Variants in RIPOR2 observed in about 807,000 individuals in gnomAD.
The protein encoded by RIPOR2 is rho family-interacting cell polarization regulator 2.
In RIPOR2, 39 loss-of-function variants were observed where a neutral mutation model predicts 114.5. That is an observed-to-expected ratio of 0.34 (90% CI 0.26 to 0.44). RIPOR2 has a LOEUF of 0.44. Among genes scored for constraint, RIPOR2 ranks in the 20% least tolerant of loss-of-function variants. The pLI is 1.00. For missense variants in RIPOR2, 1,007 were observed against 1,255.1 expected (o/e 0.80, Z 2.99); for synonymous variants, 445 against 484.4 (o/e 0.92, Z 1.07).
chr6:24,820,822 A>G (rs1056592072), intron 19 of RIPOR2, among the ~76,000 whole-genome samples: 1 of 151,108 alleles, frequency 6.6e-6, no homozygotes. Flanking sequence ...TGCTGCTATG[A>G]ACATCTGTGT....
At chr6:25,022,792 C>T (rs1440571515) in intron 1 of RIPOR2, among the ~76,000 whole-genome samples, 2 of 151,866 alleles carry the variant, frequency 1.3e-5, no homozygotes, top group Admixed American at 6.6e-5. Flanking sequence ...GCAGTCCTCT[C>T]CCCACCATCT....
At chr6:24,877,006 G>A in intron 1 of RIPOR2, 1 of 985,354 alleles carries the variant, frequency 1.0e-6, no homozygotes. Flanking sequence ...GCAGGAAAAA[G>A]GGTAAATAGT....
At chr6:24,851,852 T>TA (rs1762967466) in intron 9 of RIPOR2, among the ~76,000 whole-genome samples, 4 of 152,132 alleles carry the variant, frequency 2.6e-5, no homozygotes, top group Admixed American at 2.0e-4. Context: ...GCCAGTGTTA[T>TA]AAACTCACTG....
chr6:24,937,070 G>T (rs1321998656), upstream of RIPOR2, among the ~76,000 whole-genome samples: 1 of 152,202 alleles, frequency 6.6e-6, no homozygotes, highest in African/African-American at 2.4e-5. Flanking sequence ...GCAGTGAGAA[G>T]GGATCACCCC....
intron 9 of RIPOR2, among the ~76,000 whole-genome samples, chr6:24,851,707 T>C (rs1762939624): frequency 6.6e-6 from 1 of 151,782 alleles, no homozygotes; most frequent in African/African-American, 2.4e-5. Flanking sequence ...TCAGTCATGG[T>C]ACTTATGATC....
At chr6:24,997,203 TA>T (rs1158584885) in intron 1 of RIPOR2, among the ~76,000 whole-genome samples, 1 of 152,194 alleles carries the variant, frequency 6.6e-6, no homozygotes, top group African/African-American at 2.4e-5. Flanking sequence ...ATTTGTGTTT[TA>T]AAAAACTCCC....
At chr6:24,926,523 G>A (rs1770869229) in intron 1 of RIPOR2, among the ~76,000 whole-genome samples, 1 of 152,170 alleles carries the variant, frequency 6.6e-6, no homozygotes, top group Non-Finnish European at 1.5e-5. Flanking sequence ...GTCACATGGT[G>A]GAGATCAGAT....
At chr6:24,970,264 C>T (rs1365331175) in intron 1 of RIPOR2, among the ~76,000 whole-genome samples, 1 of 152,190 alleles carries the variant, frequency 6.6e-6, no homozygotes, top group East Asian at 1.9e-4. Flanking sequence ...GAATCCCTTA[C>T]TCCTTCTCCC....
intron 5 of RIPOR2, among the ~76,000 whole-genome samples, chr6:24,869,864 A>G (rs1301313358): frequency 6.6e-6 from 1 of 152,204 alleles, no homozygotes; most frequent in African/African-American, 2.4e-5. Flanking sequence ...TACAATTGCT[A>G]CCGGCAGACA....
chr6:25,008,471 G>T (rs1289051309), intron 1 of RIPOR2, among the ~76,000 whole-genome samples: 1 of 152,216 alleles, frequency 6.6e-6, no homozygotes, highest in Non-Finnish European at 1.5e-5. Context: ...GGTGGCTCTA[G>T]AAGCTGGAAA....
At chr6:24,839,299 A>C (rs1201869672) in intron 13 of RIPOR2, 27 bp from the exon 14 acceptor site, 1 of 1,534,374 alleles carries the variant, frequency 6.5e-7, no homozygotes, top group African/African-American at 1.4e-5. Context: ...CACCAGGGAG[A>C]ACATCAACAT....
chr6:25,014,417 T>G (rs984860537), intron 1 of RIPOR2, among the ~76,000 whole-genome samples: 3 of 152,196 alleles, frequency 2.0e-5, no homozygotes, highest in Non-Finnish European at 2.9e-5. Flanking sequence ...AAGAAGCAGC[T>G]GGTATTTATT....
chr6:24,895,923 G>A (rs995740430), intron 1 of RIPOR2, among the ~76,000 whole-genome samples: 3 of 152,088 alleles, frequency 2.0e-5, no homozygotes, highest in South Asian at 4.1e-4. Flanking sequence ...CCCGGGAGGC[G>A]GAGCTTGTAG....
chr6:24,832,099 C>T (rs1022082846), intron 16 of RIPOR2, among the ~76,000 whole-genome samples, 157 bp downstream of exon 16: 1 of 152,216 alleles, frequency 6.6e-6, no homozygotes, highest in Non-Finnish European at 1.5e-5. Flanking sequence ...CGAAATGTGA[C>T]ATTAATGAGC....
chr6:24,850,097 C>CTTTTTT (rs5875008), intron 10 of RIPOR2, 147 bp from the exon 11 acceptor site: 7 of 437,182 alleles, frequency 1.6e-5, no homozygotes, highest in Admixed American at 4.3e-5. Flanking sequence ...TTTTCTTTTT[C>CTTTTTT]TTTTTTTTTT....
At chr6:25,019,774 CAAAA>C (rs34107737) in intron 1 of RIPOR2, among the ~76,000 whole-genome samples, 3 of 53,118 alleles carry the variant, frequency 5.6e-5, no homozygotes, top group African/African-American at 2.6e-4. Context: ...GACTCTGTCT[CAAAA>C]AAAAAAAAAA....
chr6:24,853,719 T>C lies in RIPOR2; in HGVS notation c.716-1101A>G, dbSNP rs180842054. On this transcript the variant is annotated intron_variant, in intron 8 of 21. Transcript: ENST00000643898. ...AGGACAATGGACGGCATCTAACACA[T>C]AGTAGGTCGTTAATACATGGTAATG... is the stretch of plus-strand genomic sequence containing the variant. 1.9e-4 allele frequency among the ~76,000 whole-genome samples: 29 copies of C among 152,314 alleles called. No homozygotes were observed. In the East Asian group the frequency reaches 3.9e-3, roughly 20 times the overall value.
chr6:24,967,909 C>CT (rs35997558), intron 1 of RIPOR2, among the ~76,000 whole-genome samples: 7,020 of 123,284 alleles, frequency 0.057, 421 homozygotes, highest in African/African-American at 0.15. Context: ...AGATCTCAAT[C>CT]TTTTTTTTTT....
At chr6:24,898,620 T>A (rs2114003171) in intron 1 of RIPOR2, 1 of 152,332 alleles carries the variant, frequency 6.6e-6, no homozygotes. Context: ...AGGTGTTGCC[T>A]CTTGAACTTC....
Sources: gnomAD v4.1 joint callset for allele counts (sites outside exome capture counted in the v4.1 genomes callset) on GRCh38, gnomAD v4.1.1 for gene constraint, MANE v1.5 for transcripts, NCBI Gene and HGNC (gene_info 2026-07-23, HGNC 2026-07-21) for gene names.